The following CTNNA3 variants were observed in gnomAD, a reference collection of about 807,000 sequenced individuals.
CTNNA3 encodes the protein catenin alpha-3.
A neutral mutation model predicts 95.7 loss-of-function variants in CTNNA3; 76 were observed. The observed-to-expected ratio is 0.79, with a 90% CI of 0.66 to 0.96. The LOEUF (loss-of-function observed/expected upper bound fraction) is 0.96, where lower values mean the gene tolerates loss of function less well. Among genes scored for constraint, CTNNA3 ranks in the 40% least tolerant of loss-of-function variants. The pLI is 0.00. For synonymous variants in CTNNA3, 431 were observed against 374.4 expected (o/e 1.15, Z -1.74); for missense variants, 1,191 against 1,089.8 (o/e 1.09, Z -1.31).
rs576923958 is a variant in CTNNA3, at chr10:67,238,440, T to TAA, written c.580-18572_580-18571dup. Among the ~76,000 whole-genome samples, 410 of 140,420 alleles carry TAA rather than the reference T, an allele frequency of 2.9e-3. 2 individuals are homozygous for TAA. Among genetic ancestry groups the TAA allele is most frequent in the African/African-American group, 1.0e-2 (388 of 38,840 alleles). 92.1% of individuals were successfully genotyped at this position (140,420 alleles called of 152,430 possible). On this transcript the variant is annotated intron_variant, in intron 5 of 17. Transcript: ENST00000433211. ...AGAAGGGTATCAGCAAATACTAAAC[T>TAA]AAAAAAAAAAAAATTCAATTAAAAA...
intron 9 of CTNNA3, among the ~76,000 whole-genome samples, chr10:66,709,561 T>C (rs957115454): frequency 2.0e-5 from 3 of 152,138 alleles, no homozygotes; most frequent in Admixed American, 6.6e-5. Context: ...ATTTTTTGAA[T>C]ACTTGGGTTT....
At position 67,219,673 on chromosome 10, in the gene CTNNA3, G is replaced by T. The variant is rs774225394; in HGVS notation, c.777C>A (p.Ile259=). The stretch of plus-strand genomic sequence containing the variant: ...GTTCTGGTGGGGTTGTCATATTCTG[G>T]ATCCCTTGTGAAGCATTTGAAATTA... ...LNVISNASQG[I]QNMTTPPEPQ... Residue 259 remains isoleucine, a synonymous_variant, in exon 6 of 18, where the codon ATC becomes ATA. Coordinates refer to ENST00000433211, the MANE Select transcript of CTNNA3 (RefSeq NM_013266.4). 3.1e-6 allele frequency: 5 copies of T among 1,614,088 alleles called. No individual in the cohort carries two copies. In the South Asian group the frequency reaches 5.5e-5, roughly 18 times the overall value.
At chr10:67,056,153 G>A (rs781777040) in intron 7 of CTNNA3, among the ~76,000 whole-genome samples, 3 of 152,000 alleles carry the variant, frequency 2.0e-5, no homozygotes, top group South Asian at 2.1e-4. Flanking sequence ...ACATACTGTC[G>A]CCCATTCATG....
At chr10:67,403,081 T>A (rs1440883341) in intron 5 of CTNNA3, among the ~76,000 whole-genome samples, 1 of 152,222 alleles carries the variant, frequency 6.6e-6, no homozygotes, top group African/African-American at 2.4e-5. Context: ...ACCTTTGTTA[T>A]TTGGACAACT....
At chr10:67,316,776 T>G (rs1418930804) in intron 5 of CTNNA3, among the ~76,000 whole-genome samples, 2 of 152,168 alleles carry the variant, frequency 1.3e-5, no homozygotes, top group Admixed American at 6.5e-5. Flanking sequence ...CTCCTCACAT[T>G]CAGAGGAGGT....
In CTNNA3 at chr10:66,598,532, T is replaced by C. The variant is rs553810174; in HGVS notation, c.1374+23160A>G. On this transcript the variant is annotated intron_variant, in intron 10 of 17. Coordinates refer to ENST00000433211, the MANE Select transcript of CTNNA3 (RefSeq NM_013266.4). ...AAACCAGAAAAACTCCACCAAAAACTGTTAGAACTAATAGGCAAATTCAGT... is the reference window on the plus strand; with the variant it reads ...AAACCAGAAAAACTCCACCAAAAACCGTTAGAACTAATAGGCAAATTCAGT... Among the ~76,000 whole-genome samples the C allele has an allele frequency of 1.6e-3, 250 of 152,054 alleles. 2 individuals carry two copies. The highest frequency in any genetic ancestry group is 1.6e-3 in the Non-Finnish European group (107 of 67,902).
intron 17 of CTNNA3, among the ~76,000 whole-genome samples, chr10:65,957,097 G>C (rs1157952748): frequency 1.3e-5 from 2 of 152,154 alleles, no homozygotes; most frequent in Non-Finnish European, 2.9e-5. Context: ...ATATATTTAG[G>C]ACAGTTATCT....
chr10:67,612,130 G>A (rs1843479525), intron 2 of CTNNA3, among the ~76,000 whole-genome samples: 1 of 152,026 alleles, frequency 6.6e-6, no homozygotes, highest in Admixed American at 6.6e-5. Context: ...CCCAAAAAAT[G>A]CCTCTAGATA....
chr10:66,916,838 G>A (rs1329626459), intron 7 of CTNNA3, among the ~76,000 whole-genome samples: 1 of 152,126 alleles, frequency 6.6e-6, no homozygotes, highest in African/African-American at 2.4e-5. Context: ...TCAGAAGTGT[G>A]GAGTATATAA....
At chr10:67,682,183 C>G (rs931743688) in intron 1 of CTNNA3, among the ~76,000 whole-genome samples, 1 of 151,238 alleles carries the variant, frequency 6.6e-6, no homozygotes, top group African/African-American at 2.4e-5. Context: ...AAAATTTAGC[C>G]CAGCGTGGTG....
chr10:66,175,649 G>A (rs1209491312), intron 13 of CTNNA3, among the ~76,000 whole-genome samples: 1 of 152,156 alleles, frequency 6.6e-6, no homozygotes, highest in African/African-American at 2.4e-5. Flanking sequence ...AAGATTTTCT[G>A]CTTAACTCAC....
At position 66,756,499 on chromosome 10, in the gene CTNNA3, G is replaced by A. The variant is rs1364262764; in HGVS notation, c.1281+9765C>T. Among the ~76,000 whole-genome samples the A allele has an allele frequency of 2.6e-5, 4 of 152,196 alleles. No individual in the cohort carries two copies. In the East Asian group the frequency reaches 7.7e-4, roughly 29 times the overall value. ...TATCTTGCAGAAATCACCAAGCCTA[G>A]TTAATTTTCTCATGAAAGGGACTTT... On this transcript the variant is annotated intron_variant, in intron 9 of 17. Coordinates refer to ENST00000433211, the MANE Select transcript of CTNNA3 (RefSeq NM_013266.4).
chr10:66,014,692 T>C (rs114257960), intron 15 of CTNNA3, among the ~76,000 whole-genome samples: 1,631 of 152,308 alleles, frequency 0.011, 34 homozygotes, highest in African/African-American at 0.037. Flanking sequence ...TGAAATACTT[T>C]TTACAACTAA....
At chr10:66,843,066 A>G (rs2053395511) in intron 7 of CTNNA3, among the ~76,000 whole-genome samples, 1 of 152,162 alleles carries the variant, frequency 6.6e-6, no homozygotes, top group South Asian at 2.1e-4. Flanking sequence ...CTAGACAGAG[A>G]CAGAGGTTGG....
intron 7 of CTNNA3, among the ~76,000 whole-genome samples, chr10:66,915,607 G>T (rs530921014): frequency 6.6e-6 from 1 of 151,800 alleles, no homozygotes; most frequent in South Asian, 2.1e-4. Flanking sequence ...TACATAGCTA[G>T]AATTGGATAT....
chr10:67,546,293 A>C (rs1840841871), intron 3 of CTNNA3, among the ~76,000 whole-genome samples: 1 of 151,882 alleles, frequency 6.6e-6, no homozygotes, highest in South Asian at 2.1e-4. Context: ...CACCAAACCC[A>C]ATTAATTTTT....
At chr10:67,189,242 A>C (rs1268672651) in intron 6 of CTNNA3, among the ~76,000 whole-genome samples, 1 of 152,150 alleles carries the variant, frequency 6.6e-6, no homozygotes, top group Non-Finnish European at 1.5e-5. Context: ...TACAAATACC[A>C]CATGATCTCA....
At chr10:66,780,726 T>A (rs1840500047) in intron 7 of CTNNA3, among the ~76,000 whole-genome samples, 1 of 152,220 alleles carries the variant, frequency 6.6e-6, no homozygotes, top group African/African-American at 2.4e-5. Context: ...CCTCAAAGGA[T>A]CTAGCACAGT....
At chr10:67,672,824 G>T (rs1038885103) in intron 1 of CTNNA3, among the ~76,000 whole-genome samples, 2 of 152,128 alleles carry the variant, frequency 1.3e-5, no homozygotes, top group African/African-American at 4.8e-5. Context: ...TTTGGCTTAG[G>T]ATTGACTTGG....
Sources: allele counts gnomAD v4.1 joint callset (sites outside exome capture counted in the v4.1 genomes callset), GRCh38; gene constraint gnomAD v4.1.1; transcripts MANE v1.5; gene names NCBI Gene and HGNC (gene_info 2026-07-23, HGNC 2026-07-21).